Variants in HIVEP1 observed in about 807,000 individuals in gnomAD.
HIVEP1 encodes HIVEP zinc finger 1.
Under a neutral mutation model 180.0 loss-of-function variants are expected in HIVEP1, and 36 were observed. That is an observed-to-expected ratio of 0.20 (90% confidence interval 0.15 to 0.26). The LOEUF (loss-of-function observed/expected upper bound fraction) is 0.26, where lower values mean the gene tolerates loss of function less well. HIVEP1 is among the 10% of genes least tolerant of loss of function. The pLI, the probability that HIVEP1 is intolerant of heterozygous loss-of-function variation, is 1.00. For missense variants in HIVEP1, 3,143 were observed against 3,268.7 expected (o/e 0.96, Z 0.94); for synonymous variants, 1,239 against 1,239.0 (o/e 1.00, Z 0.00).
chr6:12,086,677 G>C (rs1773142610), intron 2 of HIVEP1, among the ~76,000 whole-genome samples: 1 of 152,112 alleles, frequency 6.6e-6, no homozygotes, highest in Non-Finnish European at 1.5e-5. Context: ...TGTAGCTTTA[G>C]AGTCTAGCAG....
At chr6:12,168,347 G>A (rs371607179), downstream of HIVEP1, among the ~76,000 whole-genome samples, 26 of 49,198 alleles carry the variant, frequency 5.3e-4, no homozygotes, top group South Asian at 2.6e-3. Flanking sequence ...ATATATACAT[G>A]TATATGTATA....
At chr6:12,061,991 ATAGTT>A (rs2113755676) in intron 2 of HIVEP1, among the ~76,000 whole-genome samples, 1 of 152,328 alleles carries the variant, frequency 6.6e-6, no homozygotes, top group South Asian at 2.1e-4. Flanking sequence ...AGAGTCAAAA[ATAGTT>A]TAGGTGAAAT....
intron 6 of HIVEP1, among the ~76,000 whole-genome samples, chr6:12,132,392 T>A (rs931282721): frequency 2.0e-5 from 3 of 151,950 alleles, no homozygotes; most frequent in African/African-American, 7.2e-5. Flanking sequence ...TACAAGAAGA[T>A]CAAGATACAA....
At chr6:12,161,271 G>C (rs948754666) in intron 7 of HIVEP1, among the ~76,000 whole-genome samples, 168 bp from the exon 8 acceptor site, 1 of 152,128 alleles carries the variant, frequency 6.6e-6, no homozygotes, top group Non-Finnish European at 1.5e-5. Context: ...ATGGCCAACT[G>C]TCTTATTCTT....
At chr6:12,098,586 T>G (rs1773907898) in intron 3 of HIVEP1, among the ~76,000 whole-genome samples, 1 of 152,226 alleles carries the variant, frequency 6.6e-6, no homozygotes, top group Non-Finnish European at 1.5e-5. Flanking sequence ...AAGAAAGAGA[T>G]AAGCTTGTAT....
downstream of HIVEP1, among the ~76,000 whole-genome samples, chr6:12,168,211 C>T (rs1464581147): frequency 1.2e-5 from 1 of 83,804 alleles, no homozygotes; most frequent in Admixed American, 1.4e-4. Context: ...TACATATATA[C>T]ATATATACAT....
chr6:12,086,251 T>C (rs1773116154), intron 2 of HIVEP1, among the ~76,000 whole-genome samples: 1 of 152,154 alleles, frequency 6.6e-6, no homozygotes, highest in African/African-American at 2.4e-5. Context: ...TGATGGCTCC[T>C]CCAAGTGTAT....
chr6:12,015,613 C>T lies in HIVEP1; in HGVS notation c.-16C>T, dbSNP rs569602305. 4.3e-6 allele frequency: 7 copies of T among 1,611,930 alleles called. No individual in the cohort carries two copies. Among genetic ancestry groups the T allele is most frequent in the South Asian group, 3.3e-5 (3 of 90,928 alleles). On this transcript the variant is annotated 5_prime_UTR_variant, in exon 2 of 9. Transcript: ENST00000379388. ...GCAGTTTTTAAGAAGAAAAAGAAGG[C>T]CCTGAGTCAAAGAAGATGCCTCGAA...
At chr6:12,017,330 T>C (rs1348814963) in intron 2 of HIVEP1, among the ~76,000 whole-genome samples, 1 of 152,210 alleles carries the variant, frequency 6.6e-6, no homozygotes, top group African/African-American at 2.4e-5. Context: ...CACAGGTTGT[T>C]CCTTCTGATG....
In HIVEP1 at chr6:12,122,223, C is replaced by T. The variant is rs202178899; in HGVS notation, c.2428C>T (p.Pro810Ser). 38 of 1,614,058 alleles carry T rather than the reference C, an allele frequency of 2.4e-5. No homozygotes were observed. In the Middle Eastern group the frequency reaches 4.9e-4, roughly 21 times the overall value. ...GRRTSSSSDI[P>S]KSPFTPTEKS... ...GAGAACAAGTTCAAGCTCTGATATA[C>T]CGAAGTCACCTTTCACCCCTACTGA... is the stretch of plus-strand genomic sequence containing the variant. The change falls in exon 4 of 9, where the codon CCG (proline) becomes TCG (serine). Residue 810 changes from proline to serine, a missense_variant. Pro to Ser is a moderately conservative substitution (Grantham distance 74, BLOSUM62 -1). This residue lies in a region of HIVEP1 where 204 missense variants were observed against 243.7 expected (regional missense o/e 0.84). Transcript: ENST00000379388.
At position 12,104,396 on chromosome 6, in the gene HIVEP1, T is replaced by TTTTCTCTC. The variant is rs1554142983; in HGVS notation, c.94+15160_94+15161insTTCTCTCT. Among the ~76,000 whole-genome samples, 17 of 126,580 alleles carry TTTTCTCTC rather than the reference T, an allele frequency of 1.3e-4. 1 individual carries two copies. Among genetic ancestry groups the TTTTCTCTC allele is most frequent in the Admixed American group, 1.3e-3 (14 of 10,778 alleles). 83.0% of individuals were successfully genotyped at this position (126,580 alleles called of 152,430 possible). A position where few individuals can be genotyped will look rare whatever the true frequency, so the allele number is the denominator to read the frequency against. ...TCTCTCTTTCTCTCTCTCTCTTCGT[T>TTTTCTCTC]TCTCTCTCTCTCTCTCTCCTTTTCT... On this transcript the variant is annotated intron_variant, in intron 3 of 8. Transcript: ENST00000379388.
At chr6:12,098,504 A>T (rs1450848715) in intron 3 of HIVEP1, among the ~76,000 whole-genome samples, 1 of 152,212 alleles carries the variant, frequency 6.6e-6, no homozygotes, top group Non-Finnish European at 1.5e-5. Flanking sequence ...TAAGGATAAT[A>T]TGTGTTGCTG....
chr6:12,043,418 A>G (rs1345667094), intron 2 of HIVEP1, among the ~76,000 whole-genome samples: 4 of 147,566 alleles, frequency 2.7e-5, no homozygotes, highest in Non-Finnish European at 5.9e-5. Context: ...CTGGAGTGCA[A>G]TGGCATGATC....
At chr6:12,104,289 G>A (rs1774277214) in intron 3 of HIVEP1, among the ~76,000 whole-genome samples, 1 of 150,914 alleles carries the variant, frequency 6.6e-6, no homozygotes, top group Admixed American at 6.6e-5. Context: ...CACCTTCTTT[G>A]TTTTGTTACT....
intron 2 of HIVEP1, among the ~76,000 whole-genome samples, chr6:12,068,511 T>TA (rs1229392577): frequency 1.3e-5 from 2 of 152,198 alleles, no homozygotes; most frequent in African/African-American, 2.4e-5. Context: ...AAAATATTCT[T>TA]AATTTGGAAG....
At chr6:12,203,998 AC>A in the HIVEP1 span, among the ~76,000 whole-genome samples, 1 of 152,006 alleles carries the variant, frequency 6.6e-6, no homozygotes, top group African/African-American at 2.4e-5. Context: ...AATCACTTGA[AC>A]CTGGGAGGCG....
At chr6:12,170,250 T>C in the HIVEP1 span, among the ~76,000 whole-genome samples, 1 of 151,702 alleles carries the variant, frequency 6.6e-6, no homozygotes, top group Non-Finnish European at 1.5e-5. Context: ...CAAAAGAAGG[T>C]ACCACCGAGT....
chr6:12,122,043 A>C lies in HIVEP1; in HGVS notation c.2248A>C (p.Lys750Gln). Residue 750 changes from lysine (K) to glutamine (Q), a missense_variant, in exon 4 of 9, where the codon AAG (lysine) becomes CAG (glutamine). Lys to Gln is a moderately conservative substitution (Grantham distance 53). Transcript: ENST00000379388. ...ATKTLEERIS[K>Q]LISDNEALVD... is the part of the protein sequence containing the mutation. ...AAAAACACTTGAGGAGCGGATATCG[A>C]AGCTTATCTCAGACAATGAAGCTTT... The C allele has an allele frequency of 6.2e-7, 1 of 1,614,154 alleles. No individual in the cohort carries two copies. Among genetic ancestry groups the C allele is most frequent in the Non-Finnish European group, 8.5e-7 (1 of 1,180,022 alleles).
intron 2 of HIVEP1, among the ~76,000 whole-genome samples, chr6:12,072,936 T>C (rs1772081112): frequency 6.6e-6 from 1 of 152,214 alleles, no homozygotes; most frequent in Admixed American, 6.5e-5. Context: ...AACATCTTTG[T>C]CTTGTGTAGT....
Sources: gnomAD v4.1 joint callset for allele counts (sites outside exome capture counted in the v4.1 genomes callset) on GRCh38, gnomAD v4.1.1 for gene constraint, gnomAD v4.1.1 regional missense constraint, MANE v1.5 for transcripts, NCBI Gene and HGNC (gene_info 2026-07-23, HGNC 2026-07-21) for gene names.